GALNT17: variants seen among roughly 807,000 people sequenced by gnomAD.
The protein encoded by GALNT17 is polypeptide N-acetylgalactosaminyltransferase 17.
GALNT17 carries 29 observed loss-of-function variants against 63.7 expected under a neutral mutation model. The observed-to-expected ratio is 0.46, with a 90% CI of 0.34 to 0.62. The LOEUF (loss-of-function observed/expected upper bound fraction) is 0.62. Ranked by LOEUF, GALNT17 falls within the 20% of genes least tolerant of loss-of-function variation. The pLI, the probability that GALNT17 is intolerant of heterozygous loss-of-function variation, is 0.01. For missense variants in GALNT17, 603 were observed against 799.6 expected, an observed-to-expected ratio of 0.75 and a Z score of 2.97; for synonymous variants, 305 against 318.3, an observed-to-expected ratio of 0.96 and a Z score of 0.45.
At chr7:71,256,860 C>T (rs916245425) in intron 1 of GALNT17, among the ~76,000 whole-genome samples, 2 of 152,170 alleles carry the variant, frequency 1.3e-5, no homozygotes, top group African/African-American at 4.8e-5. Flanking sequence ...ATGACACTAT[C>T]TAGGCTGGCA....
intron 1 of GALNT17, among the ~76,000 whole-genome samples, chr7:71,206,490 C>G (rs1789274471): frequency 6.6e-6 from 1 of 152,148 alleles, no homozygotes; most frequent in African/African-American, 2.4e-5. Flanking sequence ...AAGTCACATG[C>G]TACCCCGTTG....
At chr7:71,619,794 CT>C (rs1790265920) in intron 6 of GALNT17, among the ~76,000 whole-genome samples, 1 of 151,992 alleles carries the variant, frequency 6.6e-6, no homozygotes, top group Non-Finnish European at 1.5e-5. Context: ...TTTCTCCTGG[CT>C]GATTGCTCCA....
chr7:71,557,499 A>C lies in GALNT17; in HGVS notation c.963-13786A>C, dbSNP rs188748419. ...ACATGAGTCCCCATTCATTCTTTCA[A>C]AGTTACCTTCCTAGCTGGGTGCAGT... On this transcript the variant is annotated intron_variant, in intron 5 of 10. Coordinates refer to ENST00000333538, the MANE Select transcript of GALNT17 (RefSeq NM_022479.3). Among the ~76,000 whole-genome samples the C allele has an allele frequency of 2.2e-3, 331 of 152,194 alleles. 10 individuals carry two copies. The highest frequency in any genetic ancestry group is 0.021 in the Admixed American group (321 of 15,276).
intron 6 of GALNT17, among the ~76,000 whole-genome samples, chr7:71,647,775 G>A (rs192225011): frequency 5.1e-4 from 77 of 152,314 alleles, no homozygotes; most frequent in African/African-American, 1.8e-3. Context: ...CCTGACAGCA[G>A]TTCCACTCAA....
chr7:71,531,726 A>G lies in GALNT17; in HGVS notation c.963-39559A>G, dbSNP rs141612668. ...CACCTCAGCCTCCCAAGTAGCTGGG[A>G]CTACAGGCATGTACCACCACTTCTG... is the stretch of plus-strand genomic sequence containing the variant. On this transcript the variant is annotated intron_variant, in intron 5 of 10. Coordinates refer to ENST00000333538, the MANE Select transcript of GALNT17 (RefSeq NM_022479.3). Among the ~76,000 whole-genome samples, 46 of 152,276 alleles carry G rather than the reference A, an allele frequency of 3.0e-4. No homozygotes were observed. In the East Asian group the frequency reaches 8.5e-3, roughly 28 times the overall value.
At chr7:71,528,072 G>A (rs575052928) in intron 5 of GALNT17, among the ~76,000 whole-genome samples, 1 of 152,280 alleles carries the variant, frequency 6.6e-6, no homozygotes, top group African/African-American at 2.4e-5. Flanking sequence ...AGGACAGGGA[G>A]CTTGTACTTT....
intron 1 of GALNT17, among the ~76,000 whole-genome samples, chr7:71,176,472 G>A (rs1257157101): frequency 2.0e-5 from 3 of 152,240 alleles, no homozygotes; most frequent in African/African-American, 7.2e-5. Flanking sequence ...TCTCCATGGC[G>A]GGGAGGCATT....
At chr7:71,460,579 GA>G (rs1787435985) in intron 5 of GALNT17, among the ~76,000 whole-genome samples, 1 of 152,132 alleles carries the variant, frequency 6.6e-6, no homozygotes, top group African/African-American at 2.4e-5. Flanking sequence ...AGGGTTCTTG[GA>G]TCTCATGCAA....
chr7:71,691,621 T>G (rs1388583472), intron 9 of GALNT17, among the ~76,000 whole-genome samples: 1 of 152,148 alleles, frequency 6.6e-6, no homozygotes, highest in Admixed American at 6.5e-5. Context: ...TGTTTTCCAG[T>G]GGAGATTGTG....
chr7:71,163,437 G>A (rs1788383736), intron 1 of GALNT17, among the ~76,000 whole-genome samples: 1 of 152,200 alleles, frequency 6.6e-6, no homozygotes, highest in Non-Finnish European at 1.5e-5. Flanking sequence ...AATGTTCTTG[G>A]TGACTGATTG....
intron 5 of GALNT17, among the ~76,000 whole-genome samples, chr7:71,508,363 C>A (rs1381326945): frequency 6.6e-6 from 1 of 152,200 alleles, no homozygotes; most frequent in South Asian, 2.1e-4. Flanking sequence ...AGCAATTTGG[C>A]ATCCAGATTC....
At position 71,516,130 on chromosome 7, in the gene GALNT17, A is replaced by G. The variant is rs188983821; in HGVS notation, c.963-55155A>G. 1.2e-3 allele frequency among the ~76,000 whole-genome samples: 186 copies of G among 152,194 alleles called. 1 individual carries two copies. Among genetic ancestry groups the G allele is most frequent in the Non-Finnish European group, 2.1e-3 (146 of 67,998 alleles). On this transcript the variant is annotated intron_variant, in intron 5 of 10. Transcript: ENST00000333538. ...CTTGGTGGACAGAGGGATGATTTCT[A>G]GTTTTGTCTTTCTCCAGAATCTGTA...
At chr7:71,167,635 A>G (rs1297106506) in intron 1 of GALNT17, among the ~76,000 whole-genome samples, 2 of 152,192 alleles carry the variant, frequency 1.3e-5, no homozygotes, top group Non-Finnish European at 2.9e-5. Context: ...TTGGTATCAT[A>G]TCTAAAAATC....
intron 9 of GALNT17, among the ~76,000 whole-genome samples, chr7:71,697,836 G>A (rs990737310): frequency 2.0e-5 from 3 of 152,034 alleles, no homozygotes; most frequent in African/African-American, 7.2e-5. Flanking sequence ...GAAAGTGGTT[G>A]TATCAGCCGG....
intron 6 of GALNT17, among the ~76,000 whole-genome samples, chr7:71,623,900 A>C (rs1306630900): frequency 5.3e-5 from 8 of 151,918 alleles, no homozygotes; most frequent in Non-Finnish European, 1.2e-4. Flanking sequence ...CAGGACCAAA[A>C]CTCCAGTTGC....
chr7:71,418,174 C>G (rs1053463257), intron 4 of GALNT17, among the ~76,000 whole-genome samples: 1 of 152,174 alleles, frequency 6.6e-6, no homozygotes, highest in Non-Finnish European at 1.5e-5. Flanking sequence ...GGTATCTGCC[C>G]TCAAGTCTAC....
chr7:71,575,631 G>A lies in GALNT17; in HGVS notation c.1080+4229G>A, dbSNP rs998267083. ...TCTCGATCTCCTGACCTCGTGATCC[G>A]CCCGCCTCGGCCTCCCAAAATGCTG... On this transcript the variant is annotated intron_variant, in intron 6 of 10. Coordinates refer to ENST00000333538, the MANE Select transcript of GALNT17 (RefSeq NM_022479.3). Among the ~76,000 whole-genome samples the A allele has an allele frequency of 3.3e-5, 5 of 152,032 alleles. No homozygotes were observed. The East Asian group carries it at 5.8e-4, about 18-fold the overall frequency.
chr7:71,243,345 A>C (rs1790033911), intron 1 of GALNT17, among the ~76,000 whole-genome samples: 1 of 152,150 alleles, frequency 6.6e-6, no homozygotes, highest in Admixed American at 6.6e-5. Context: ...TTCTTTATAA[A>C]TTACCCAGTC....
chr7:71,255,223 A>G (rs10281993), intron 1 of GALNT17, among the ~76,000 whole-genome samples: 39,591 of 152,108 alleles, frequency 0.26, 5,471 homozygotes, highest in African/African-American at 0.34. Context: ...GAGGGACACA[A>G]TGGGAGGTAA....
Sources: gnomAD v4.1 joint callset for allele counts (sites outside exome capture counted in the v4.1 genomes callset) on GRCh38, gnomAD v4.1.1 for gene constraint, MANE v1.5 for transcripts, NCBI Gene and HGNC (gene_info 2026-07-23, HGNC 2026-07-21) for gene names.